URI1: variants seen among roughly 807,000 people sequenced by gnomAD.
URI1 encodes the protein URI1 prefoldin like chaperone.
URI1 carries 39 observed loss-of-function variants against 60.2 expected under a neutral mutation model. The ratio of observed to expected loss-of-function variants is 0.65; its 90% confidence interval spans 0.50 to 0.85. URI1 has a LOEUF of 0.85. Ranked by LOEUF, URI1 falls within the 40% of genes least tolerant of loss-of-function variation. The pLI is 0.00. For missense variants in URI1, 691 were observed against 665.9 expected (o/e 1.04, Z -0.42); for synonymous variants, 251 against 236.8 (o/e 1.06, Z -0.55).
At chr19:30,001,251 A>G (rs1424079126) in intron 4 of URI1, among the ~76,000 whole-genome samples, 3 of 151,920 alleles carry the variant, frequency 2.0e-5, no homozygotes, top group Non-Finnish European at 2.9e-5. Flanking sequence ...CTCTGTGTGC[A>G]TAGGCAAGGT....
At chr19:29,973,845 T>C (rs187022586) in intron 2 of URI1, among the ~76,000 whole-genome samples, 54 of 152,296 alleles carry the variant, frequency 3.5e-4, no homozygotes, top group African/African-American at 1.2e-3. Flanking sequence ...GAGCTAATAA[T>C]AATGGTTTTC....
intron 1 of URI1, among the ~76,000 whole-genome samples, chr19:29,951,381 T>A (rs1254411291): frequency 6.6e-6 from 1 of 152,184 alleles, no homozygotes; most frequent in East Asian, 1.9e-4. Flanking sequence ...TTTATTAGTT[T>A]ATGTTTTTCG....
chr19:29,977,021 A>G (rs1330143715), intron 2 of URI1, among the ~76,000 whole-genome samples: 1 of 152,310 alleles, frequency 6.6e-6, no homozygotes, highest in Non-Finnish European at 1.5e-5. Flanking sequence ...TGTTCAGAGG[A>G]AAAGAGTAAC....
chr19:30,011,442 T>C (rs1368636128), intron 9 of URI1, among the ~76,000 whole-genome samples: 3 of 151,956 alleles, frequency 2.0e-5, no homozygotes, highest in Non-Finnish European at 4.4e-5. Flanking sequence ...TTTTTTTTTT[T>C]CACTTTCTCC....
chr19:29,937,708 A>T (rs1272682556), upstream of URI1: 1 of 152,200 alleles, frequency 6.6e-6, no homozygotes, highest in Non-Finnish European at 1.5e-5. Context: ...TTTACTTTCA[A>T]ATCTCCTGAT....
chr19:29,941,612 C>CAGACCAAGACCAAGACAG (rs1568405943), upstream of URI1, among the ~76,000 whole-genome samples: 21 of 148,100 alleles, frequency 1.4e-4, no homozygotes, highest in African/African-American at 4.8e-4. Context: ...CAGACCAAGA[C>CAGACCAAGACCAAGACAG]TCAGTCTCTT....
chr19:29,985,292 T>C lies in URI1; in HGVS notation c.222T>C (p.Tyr74=), dbSNP rs774469342. The C allele has an allele frequency of 1.1e-5, 18 of 1,610,354 alleles. No individual in the cohort carries two copies. The highest frequency in any genetic ancestry group is 8.3e-5 in the Admixed American group (5 of 59,932). ...RLSTLPDKLS[Y]NIMVPFGPFA... ...GCACCTTGCCTGATAAATTGTCTTA[T>C]AATATAATGGTATGTTTGGTGTGTT... is the stretch of plus-strand genomic sequence containing the variant. The change falls in exon 3 of 11, where the codon TAT becomes TAC. Residue 74 remains tyrosine, a synonymous_variant. Transcript: ENST00000392271.
chr19:29,945,895 CTT>C (rs1239108555), intron 1 of URI1, among the ~76,000 whole-genome samples: 1 of 151,508 alleles, frequency 6.6e-6, no homozygotes, highest in Non-Finnish European at 1.5e-5. Context: ...ATTGATAAAA[CTT>C]ATTTTAATTT....
intron 1 of URI1, among the ~76,000 whole-genome samples, chr19:29,931,647 G>C (rs2054918252): frequency 2.0e-5 from 3 of 152,144 alleles, no homozygotes; most frequent in African/African-American, 4.8e-5. Flanking sequence ...ATCCATGAAG[G>C]CAAGATGTTC....
At chr19:30,010,970 C>T in intron 8 of URI1, 124 bp from the exon 9 acceptor site, 1 of 1,038,880 alleles carries the variant, frequency 9.6e-7, no homozygotes, top group Non-Finnish European at 1.4e-6. Context: ...CACATCATTT[C>T]AGCATCAGAA....
chr19:29,962,633 A>G (rs545227214), intron 1 of URI1, among the ~76,000 whole-genome samples: 3 of 147,170 alleles, frequency 2.0e-5, no homozygotes, highest in East Asian at 4.0e-4. Context: ...TTACTCTTCA[A>G]TTCTTTCTGC....
rs2055978140 is a variant in URI1, at chr19:30,008,880, G to C, written c.687-125G>C. On this transcript the variant is annotated intron_variant, in intron 7 of 10. Coordinates refer to ENST00000392271, the MANE Select transcript of URI1 (RefSeq NM_003796.3). ...AAACATTTTTTTGTTTTTGAACTTA[G>C]AATTCTAGTTTTAAAAATACTTTAT... 3 of 807,932 alleles carry C rather than the reference G, an allele frequency of 3.7e-6. No homozygotes were observed. In the South Asian group the frequency reaches 7.4e-5, roughly 20 times the overall value. The allele number at this position is 807,932 out of a possible 1,614,324, so 50.0% of individuals were successfully genotyped here.
At chr19:29,955,610 T>C (rs2055235328) in intron 1 of URI1, among the ~76,000 whole-genome samples, 1 of 152,214 alleles carries the variant, frequency 6.6e-6, no homozygotes, top group African/African-American at 2.4e-5. Context: ...TTGAATTGGC[T>C]GTTTCCTGTG....
intron 7 of URI1, among the ~76,000 whole-genome samples, chr19:30,008,574 C>A (rs1020750523): frequency 2.0e-5 from 3 of 151,818 alleles, no homozygotes; most frequent in Admixed American, 1.3e-4. Flanking sequence ...TGTATAAATC[C>A]TTTATTTTTA....
rs533098730 is a variant in URI1 at position 29,984,218 on chromosome 19, G to C, written c.153-1005G>C. ...CGGTGGGGGGATCGCTTGAAGCCAG[G>C]AGTTCGAGACCAGCCTGGCCAACGT... On this transcript the variant is annotated intron_variant, in intron 2 of 10. Coordinates refer to ENST00000392271, the MANE Select transcript of URI1 (RefSeq NM_003796.3). 4.6e-5 allele frequency among the ~76,000 whole-genome samples: 7 copies of C among 152,288 alleles called. No individual in the cohort carries two copies. The South Asian group carries it at 1.5e-3, about 32-fold the overall frequency.
intron 1 of URI1, among the ~76,000 whole-genome samples, chr19:29,964,381 C>G (rs1335112674): frequency 1.3e-5 from 2 of 151,740 alleles, no homozygotes; most frequent in Non-Finnish European, 2.9e-5. Flanking sequence ...TACATAGCTA[C>G]TTGCAGTGAT....
At chr19:29,970,693 A>G (rs2055447906) in intron 1 of URI1, among the ~76,000 whole-genome samples, 2 of 152,228 alleles carry the variant, frequency 1.3e-5, no homozygotes, top group South Asian at 4.1e-4. Flanking sequence ...GTAGAAAAAT[A>G]TCACTGAATT....
At chr19:29,961,456 G>A (rs532782007) in intron 1 of URI1, among the ~76,000 whole-genome samples, 2 of 151,924 alleles carry the variant, frequency 1.3e-5, no homozygotes, top group South Asian at 4.2e-4. Context: ...AATGTCTCAA[G>A]GTTCGTCCAC....
At position 30,005,379 on chromosome 19, in the gene URI1, A is replaced by T; in HGVS notation, c.386A>T (p.Asp129Val). 1 of 1,595,500 alleles carries T rather than the reference A, an allele frequency of 6.3e-7. No individual in the cohort carries two copies. Among genetic ancestry groups the T allele is most frequent in the Non-Finnish European group, 8.5e-7 (1 of 1,170,472 alleles). The part of the protein sequence containing the change: ...HRKEHVRKTI[D>V]DLKKVMKNFE... ...GTTTCAGATGTAAGAAAAACAATAG[A>T]TGACTTAAAAAAAGTGATGAAAAAT... Residue 129 changes from aspartate (D) to valine (V), a missense_variant, in exon 5 of 11, where the codon GAT becomes GTT. Transcript: ENST00000392271.
Sources: allele counts gnomAD v4.1 joint callset (sites outside exome capture counted in the v4.1 genomes callset), GRCh38; gene constraint gnomAD v4.1.1; transcripts MANE v1.5; gene names NCBI Gene and HGNC (gene_info 2026-07-23, HGNC 2026-07-21).